The following SLC4A5 variants were observed in gnomAD, a reference collection of about 807,000 sequenced individuals.
The protein encoded by SLC4A5 is solute carrier family 4 member 5, also known as electrogenic sodium bicarbonate cotransporter 4.
Under a neutral mutation model 120.4 loss-of-function variants are expected in SLC4A5, and 96 were observed. That is an observed-to-expected ratio of 0.80 (90% confidence interval 0.68 to 0.94). The LOEUF (loss-of-function observed/expected upper bound fraction) is 0.94. Ranked by LOEUF, SLC4A5 falls within the 40% of genes least tolerant of loss-of-function variation. The pLI, the probability that SLC4A5 is intolerant of heterozygous loss-of-function variation, is 0.00. For missense variants in SLC4A5, 1,259 were observed against 1,459.5 expected (o/e 0.86, Z 2.24); for synonymous variants, 550 against 571.1 (o/e 0.96, Z 0.53).
At chr2:74,243,216 G>A (rs563141140) in intron 19 of SLC4A5, among the ~76,000 whole-genome samples, 5 of 152,228 alleles carry the variant, frequency 3.3e-5, no homozygotes, top group Admixed American at 6.5e-5. Flanking sequence ...ACTGTTGCCC[G>A]TCTCTCCTTT....
chr2:74,343,145 G>A (rs1300437873), intron 1 of SLC4A5, among the ~76,000 whole-genome samples: 2 of 152,118 alleles, frequency 1.3e-5, no homozygotes, highest in East Asian at 1.9e-4. Context: ...TGCTATGTTG[G>A]AATACTTATA....
chr2:74,241,686 G>A (rs1670452116), intron 20 of SLC4A5, among the ~76,000 whole-genome samples: 3 of 147,282 alleles, frequency 2.0e-5, no homozygotes, highest in Non-Finnish European at 3.0e-5. Flanking sequence ...AGGTTGCGGT[G>A]AGCCAAGATC....
In SLC4A5 at chr2:74,315,029, T is replaced by C; in HGVS notation, c.-2-4A>G. On this transcript the variant is annotated splice_region_variant and splice_polypyrimidine_tract_variant and intron_variant, in intron 5 of 30. Coordinates refer to ENST00000394019, the Ensembl canonical transcript of SLC4A5. ...TTCTCCTCCTTCACCTTCATGACTA[T>C]AAAGTAAAAGGAACACAGCCTCAAA... 6.2e-7 allele frequency: 1 copy of C among 1,612,432 alleles called. No individual in the cohort carries two copies. The highest frequency in any genetic ancestry group is 8.5e-7 in the Non-Finnish European group (1 of 1,178,574).
At chr2:74,304,171 G>C (rs1405840042) in intron 7 of SLC4A5, among the ~76,000 whole-genome samples, 1 of 152,172 alleles carries the variant, frequency 6.6e-6, no homozygotes, top group East Asian at 1.9e-4. Context: ...TTGGTTCTTA[G>C]GGCAATGACC....
intron 7 of SLC4A5, among the ~76,000 whole-genome samples, chr2:74,289,323 CT>C (rs113336645): frequency 6.4e-4 from 95 of 148,002 alleles, no homozygotes; most frequent in East Asian, 5.3e-3. Context: ...TTTTCTATTA[CT>C]TTTTTTTTTT....
chr2:74,329,042 A>C (rs900981380), intron 4 of SLC4A5, among the ~76,000 whole-genome samples: 1 of 152,110 alleles, frequency 6.6e-6, no homozygotes, highest in African/African-American at 2.4e-5. Context: ...CTCCTAGTTC[A>C]CACCTGTCAC....
rs77623490 is a variant in SLC4A5, at chr2:74,239,657, C to T, written c.2119-122G>A. The stretch of plus-strand genomic sequence containing the variant: ...CCACCCTCTGAGGGACCCCAGCCCC[C>T]CAGAGTGATGTTCCTGGGGACGGGC... On this transcript the variant is annotated intron_variant, in intron 20 of 30. Transcript: ENST00000394019. The T allele has an allele frequency of 5.6e-6, 5 of 899,280 alleles. No individual in the cohort carries two copies. The African/African-American group carries it at 6.6e-5, about 12-fold the overall frequency. The allele number at this position is 899,280 out of a possible 1,614,324, so 55.7% of individuals were successfully genotyped here. A position where few individuals can be genotyped will look rare whatever the true frequency, so the allele number is the denominator to read the frequency against.
rs778293501 is a variant in SLC4A5 at position 74,224,897 on chromosome 2, CT to C, written c.3188del (p.Lys1063ArgfsTer29). The C allele has an allele frequency of 6.2e-7, 1 of 1,614,070 alleles. No individual in the cohort carries two copies. The highest frequency in any genetic ancestry group is 1.7e-5 in the Admixed American group (1 of 60,008). ...TTCTCTTCCTCTTCTTGTCTGTCTCCTTTTTTTCCTTCTCTGGGAGGATGTT... is the reference window on the plus strand; with the variant it reads ...TTCTCTTCCTCTTCTTGTCTGTCTCCTTTTTTCCTTCTCTGGGAGGATGTT... On this transcript the variant is annotated frameshift_variant, in exon 28 of 31. Transcript: ENST00000394019. LOFTEE classifies it high-confidence loss of function.
intron 8 of SLC4A5, among the ~76,000 whole-genome samples, chr2:74,270,703 G>T (rs1335970642): frequency 6.6e-6 from 1 of 152,104 alleles, no homozygotes; most frequent in African/African-American, 2.4e-5. Flanking sequence ...AAAAACCAAT[G>T]CCTGGATGGT....
At chr2:74,319,572 T>C (rs1220904199) in intron 5 of SLC4A5, 1 of 152,200 alleles carries the variant, frequency 6.6e-6, no homozygotes, top group Non-Finnish European at 1.5e-5. Flanking sequence ...TGGCCTGACA[T>C]AAGTTGTTTG....
rs573489234 is a variant in SLC4A5, at chr2:74,255,583, G to T, written c.1025+192C>A. Among the ~76,000 whole-genome samples, 1 of 152,282 alleles carries T rather than the reference G, an allele frequency of 6.6e-6. No homozygotes were observed. Among genetic ancestry groups the T allele is most frequent in the Middle Eastern group, 3.4e-3 (1 of 294 alleles). ...GCTGGGATTACAGGCGTGAGCCACC[G>T]CACCTGGCCTCTTTTGTTATTATTT... On this transcript the variant is annotated intron_variant, in intron 13 of 30. Transcript: ENST00000394019. The surrounding 1 kb of genome is among the most constrained non-coding windows in gnomAD (Gnocchi z 4.0).
intron 6 of SLC4A5, among the ~76,000 whole-genome samples, chr2:74,309,794 T>C (rs1672753295): frequency 6.6e-6 from 1 of 151,942 alleles, no homozygotes; most frequent in Admixed American, 6.6e-5. Context: ...TAACTGGGAC[T>C]ACAGGTGCCC....
chr2:74,250,633 T>C, intron 16 of SLC4A5, 116 bp from the exon 17 acceptor site: 1 of 1,247,218 alleles, frequency 8.0e-7, no homozygotes. Flanking sequence ...CCAGGGTGGA[T>C]GGGGCAAAGA....
intron 7 of SLC4A5, among the ~76,000 whole-genome samples, chr2:74,296,618 A>G (rs1280924908): frequency 2.2e-5 from 3 of 139,246 alleles, no homozygotes; most frequent in East Asian, 4.1e-4. Flanking sequence ...TAAAAATACA[A>G]AAAAAAAAAA....
intron 16 of SLC4A5, among the ~76,000 whole-genome samples, chr2:74,251,761 C>T (rs1670798355): frequency 6.6e-6 from 1 of 152,184 alleles, no homozygotes; most frequent in Non-Finnish European, 1.5e-5. Context: ...TGCTGGCCAC[C>T]ACCAGAAGCC....
intron 13 of SLC4A5, 74 bp from the exon 14 acceptor site, chr2:74,254,780 G>C: frequency 5.4e-6 from 6 of 1,112,228 alleles, no homozygotes; most frequent in Non-Finnish European, 8.1e-6. Flanking sequence ...AAAAACAGAA[G>C]CAAGTGAAGA....
chr2:74,255,912 C>G lies in SLC4A5; in HGVS notation c.888G>C (p.Lys296Asn). 1 of 1,613,800 alleles carries G rather than the reference C, an allele frequency of 6.2e-7. No individual in the cohort carries two copies. The highest frequency in any genetic ancestry group is 8.5e-7 in the Non-Finnish European group (1 of 1,179,712). The change falls in exon 13 of 31, where the codon AAG becomes AAC. Residue 296 changes from lysine to asparagine, a missense_variant. By Grantham distance (94) the Lys-to-Asn change is moderately conservative. Transcript: ENST00000394019. The surrounding 1 kb of genome is among the most constrained non-coding windows in gnomAD (Gnocchi z 4.0). The stretch of plus-strand genomic sequence containing the variant: ...ACGCTTCTGAGTCCTTGGGGATCTT[C>G]TTCATGAATTTGTTTTTCCGCTGGA...
chr2:74,235,713 G>A (rs1468256260), intron 21 of SLC4A5, among the ~76,000 whole-genome samples: 1 of 152,098 alleles, frequency 6.6e-6, no homozygotes, highest in African/African-American at 2.4e-5. Flanking sequence ...GGGGATCATT[G>A]GCTACACTCA....
intron 9 of SLC4A5, 127 bp downstream of exon 9, chr2:74,264,977 T>C (rs1671257380): frequency 3.8e-6 from 4 of 1,065,850 alleles, no homozygotes; most frequent in Non-Finnish European, 5.4e-6. Context: ...GAGTCAAAGC[T>C]GGTCTCTGCA....
Sources: gnomAD v4.1 joint callset for allele counts (sites outside exome capture counted in the v4.1 genomes callset) on GRCh38, gnomAD v4.1.1 for gene constraint, Gnocchi (gnomAD v3.1) non-coding constraint, MANE v1.5 for transcripts, NCBI Gene and HGNC (gene_info 2026-07-23, HGNC 2026-07-21) for gene names.